Variants in C5 observed in about 807,000 individuals in gnomAD.
The protein encoded by C5 is C3 and PZP-like alpha-2-macroglobulin domain-containing protein 4.
In C5, 140 loss-of-function variants were observed where a neutral mutation model predicts 218.8. The ratio of observed to expected loss-of-function variants is 0.64; its 90% CI spans 0.56 to 0.74. The LOEUF is 0.74. Ranked by LOEUF, C5 falls within the 30% of genes least tolerant of loss-of-function variation. C5 has a pLI of 0.00. For synonymous variants in C5, 614 were observed against 682.3 expected (o/e 0.90, Z 1.56); for missense variants, 1,700 against 1,969.6 (o/e 0.86, Z 2.59).
intron 29 of C5, among the ~76,000 whole-genome samples, chr9:120,975,363 CTTTT>C (rs1353279566): frequency 6.6e-6 from 1 of 151,998 alleles, no homozygotes. Flanking sequence ...ATTTGTAATG[CTTTT>C]ATTTATAGTT....
intron 20 of C5, among the ~76,000 whole-genome samples, chr9:121,004,269 C>T (rs1428969067): frequency 6.6e-6 from 1 of 151,792 alleles, no homozygotes; most frequent in East Asian, 1.9e-4. Context: ...TGTAATGATA[C>T]CTAAATCCAC....
At position 121,013,934 on chromosome 9, in the gene C5, A is replaced by G; in HGVS notation, c.2196T>C (p.Cys732=). ...TAGCACGGAGCTGGCTTGCGACGAC[A>G]CAACATTCAGTGAAAGCTTTGATGC... The part of the protein sequence containing the change: ...PRCIKAFTEC[C]VVASQLRANI... The change falls in exon 17 of 41, where the codon TGT becomes TGC. Residue 732 remains cysteine (C), a synonymous_variant. Transcript: ENST00000223642. 6.2e-7 allele frequency: 1 copy of G among 1,614,192 alleles called. No individual in the cohort carries two copies.
In C5 at chr9:121,034,719, C is replaced by T; in HGVS notation, c.584+84G>A. 4.0e-6 allele frequency: 3 copies of T among 744,128 alleles called. 1 individual carries two copies. In the South Asian group the frequency reaches 4.4e-5, roughly 11 times the overall value. 46.1% of individuals were successfully genotyped at this position (744,128 alleles called of 1,614,324 possible). ...CCACCTATGTGACACCCTTTGTTAACATTAGGTGGCCCCCTTTAACTGGTT... is the reference window on the plus strand; with the variant it reads ...CCACCTATGTGACACCCTTTGTTAATATTAGGTGGCCCCCTTTAACTGGTT... On this transcript the variant is annotated intron_variant, in intron 5 of 40. Transcript: ENST00000223642.
intron 13 of C5, 21 bp downstream of exon 13, chr9:121,017,622 G>T: frequency 1.2e-6 from 2 of 1,608,822 alleles, no homozygotes; most frequent in South Asian, 2.2e-5. Context: ...ATTCAATTGT[G>T]ACTTATAATT....
chr9:120,963,008 T>C (rs1451909584), intron 34 of C5, 41 bp from the exon 35 acceptor site: 1 of 1,502,228 alleles, frequency 6.7e-7, no homozygotes, highest in Admixed American at 1.7e-5. Flanking sequence ...CATTTCATTA[T>C]CTTTTTGTTT....
At chr9:121,015,321 A>G in intron 15 of C5, 60 bp from the exon 16 acceptor site, 1 of 1,150,538 alleles carries the variant, frequency 8.7e-7, no homozygotes, top group Non-Finnish European at 1.3e-6. Flanking sequence ...ATCTCAAAAA[A>G]AAATTCCATG....
At chr9:121,015,380 T>C (rs2047298755) in intron 15 of C5, 119 bp from the exon 16 acceptor site, 3 of 675,382 alleles carry the variant, frequency 4.4e-6, no homozygotes, top group East Asian at 2.7e-5. Flanking sequence ...TTAACAAATA[T>C]TGAGGGGCTG....
chr9:121,035,973 C>G (rs954220601), intron 4 of C5, among the ~76,000 whole-genome samples: 1 of 151,678 alleles, frequency 6.6e-6, no homozygotes, highest in Non-Finnish European at 1.5e-5. Context: ...TGGCTTGAGC[C>G]CAGGAGTTTG....
Position 121,015,089 on chromosome 9 carries a change from C to CT in C5, c.2059+109dup. 18 of 739,322 alleles carry CT rather than the reference C, an allele frequency of 2.4e-5. No homozygotes were observed. The South Asian group carries it at 2.8e-4, about 12-fold the overall frequency. 45.8% of individuals were successfully genotyped at this position (739,322 alleles called of 1,614,324 possible). ...AAGCTAGACCTCCATACATATCTTT[C>CT]TTTTCATTCATTTTATTTCAATTAG... On this transcript the variant is annotated intron_variant, in intron 16 of 40. Coordinates refer to ENST00000223642, the MANE Select transcript of C5 (RefSeq NM_001735.3).
chr9:121,015,131 T>C (rs758212977), intron 16 of C5, 68 bp downstream of exon 16: 2 of 983,202 alleles, frequency 2.0e-6, no homozygotes, highest in East Asian at 2.4e-5. Flanking sequence ...TTATATAACA[T>C]TTAATTTTGT....
At chr9:120,953,513 C>A (rs541833503) in intron 40 of C5, among the ~76,000 whole-genome samples, 1 of 152,314 alleles carries the variant, frequency 6.6e-6, no homozygotes, top group African/African-American at 2.4e-5. Flanking sequence ...CTTTCAGATT[C>A]ATCATCAGGT....
Position 120,963,648 on chromosome 9 carries a change from T to G in C5, c.4311A>C (p.Glu1437Asp), listed in dbSNP as rs17612. 0.061 allele frequency: 98,243 copies of G among 1,610,638 alleles called. 3,483 individuals carry two copies. The highest frequency in any genetic ancestry group is 0.068 in the Non-Finnish European group (80,331 of 1,176,852). The change falls in exon 34 of 41, where the codon GAA (glutamate) becomes GAC (aspartate). Residue 1437 changes from glutamate to aspartate, a missense_variant. Physicochemically the swap from Glu to Asp is conservative, Grantham distance 45. Coordinates refer to ENST00000223642, the MANE Select transcript of C5 (RefSeq NM_001735.3). ...SLPTGISANE[E>D]DLKALVEGVD... ...AGAAAACACATACGGCTTTTAAGTC[T>G]TCTTCATTTGCACTGATTCCAGTAG...
At chr9:120,959,299 C>A (rs374255499) in intron 38 of C5, among the ~76,000 whole-genome samples, 18 of 149,922 alleles carry the variant, frequency 1.2e-4, no homozygotes, top group African/African-American at 4.4e-4. Context: ...GCTGGTGTTG[C>A]CCAGACTGGA....
chr9:121,051,021 G>A (rs2047667472), upstream of C5, among the ~76,000 whole-genome samples: 3 of 151,832 alleles, frequency 2.0e-5, no homozygotes, highest in Non-Finnish European at 4.4e-5. Flanking sequence ...TTTTCAGTGA[G>A]GATTTTAATA....
chr9:120,987,314 G>T (rs542688686), intron 25 of C5, among the ~76,000 whole-genome samples: 4 of 151,848 alleles, frequency 2.6e-5, no homozygotes, highest in Non-Finnish European at 2.9e-5. Flanking sequence ...AAAATAAGAG[G>T]GCCAAAGATA....
intron 32 of C5, 152 bp from the exon 33 acceptor site, chr9:120,969,270 G>A: frequency 1.5e-6 from 1 of 672,546 alleles, no homozygotes; most frequent in South Asian, 1.6e-5. Context: ...ACTTTCAGTG[G>A]TTCTAATGGA....
intron 22 of C5, among the ~76,000 whole-genome samples, chr9:120,991,482 A>C (rs1374098865): frequency 6.6e-6 from 1 of 152,236 alleles, no homozygotes; most frequent in Non-Finnish European, 1.5e-5. Context: ...TAAAGCATTA[A>C]ATTTGGCTGT....
At chr9:120,966,247 C>T (rs1394492509) in intron 33 of C5, among the ~76,000 whole-genome samples, 3 of 152,206 alleles carry the variant, frequency 2.0e-5, no homozygotes, top group Non-Finnish European at 4.4e-5. Context: ...TTCAAGATTG[C>T]ATTTCTCCTT....
At chr9:120,970,699 C>A (rs2046905105) in intron 31 of C5, among the ~76,000 whole-genome samples, 1 of 152,168 alleles carries the variant, frequency 6.6e-6, no homozygotes, top group African/African-American at 2.4e-5. Flanking sequence ...ATATTGACAC[C>A]AACCAGAAGT....
Sources: gnomAD v4.1 joint callset for allele counts (sites outside exome capture counted in the v4.1 genomes callset) on GRCh38, gnomAD v4.1.1 for gene constraint, MANE v1.5 for transcripts, NCBI Gene and HGNC (gene_info 2026-07-23, HGNC 2026-07-21) for gene names.